The following SYT17 variants were observed in gnomAD, a reference collection of about 807,000 sequenced individuals.
SYT17 encodes synaptotagmin-17.
In SYT17, 22 loss-of-function variants were observed where a neutral mutation model predicts 46.7. The ratio of observed to expected loss-of-function variants is 0.47; its 90% confidence interval spans 0.34 to 0.67. The LOEUF (loss-of-function observed/expected upper bound fraction) is 0.67. Ranked by LOEUF, SYT17 falls within the 30% of genes least tolerant of loss-of-function variation. The pLI is 0.01. For missense variants in SYT17, 519 were observed against 612.8 expected, an observed-to-expected ratio of 0.85 and a Z score of 1.62; for synonymous variants, 251 against 248.4, an observed-to-expected ratio of 1.01 and a Z score of -0.10.
chr16:19,203,227 A>T (rs1965533127), intron 5 of SYT17, among the ~76,000 whole-genome samples: 1 of 152,092 alleles, frequency 6.6e-6, no homozygotes, highest in Non-Finnish European at 1.5e-5. Context: ...GCAGTGGCTC[A>T]CGCCTGTAAT....
At chr16:19,226,858 G>T (rs1367432447) in intron 7 of SYT17, among the ~76,000 whole-genome samples, 1 of 152,204 alleles carries the variant, frequency 6.6e-6, no homozygotes, top group East Asian at 1.9e-4. Flanking sequence ...CCCATGGAAA[G>T]CCCTGACACT....
At chr16:19,200,231 G>A (rs1019989964) in intron 5 of SYT17, among the ~76,000 whole-genome samples, 1 of 152,110 alleles carries the variant, frequency 6.6e-6, no homozygotes, top group Non-Finnish European at 1.5e-5. Flanking sequence ...ATACAACATG[G>A]GCTGCATATT....
intron 7 of SYT17, among the ~76,000 whole-genome samples, chr16:19,232,839 TAAACAAACAAAC>T (rs57954740): frequency 2.1e-4 from 32 of 150,234 alleles, no homozygotes; most frequent in African/African-American, 7.1e-4. Flanking sequence ...CTCAAAAACA[TAAACAAACAAAC>T]AAACAAACAA....
chr16:19,171,313 G>GATT (rs1491455865), intron 1 of SYT17: 6 of 83,980 alleles, frequency 7.1e-5, no homozygotes, highest in Admixed American at 4.8e-4. Flanking sequence ...TGATGATGAT[G>GATT]ATGATGATGA....
chr16:19,254,993 G>A (rs970252740), intron 7 of SYT17, among the ~76,000 whole-genome samples: 2 of 152,166 alleles, frequency 1.3e-5, no homozygotes, highest in African/African-American at 4.8e-5. Context: ...CTTGAGGAAG[G>A]AGAAAGAGAT....
At chr16:19,216,894 C>A (rs936477240) in intron 5 of SYT17, among the ~76,000 whole-genome samples, 5 of 152,006 alleles carry the variant, frequency 3.3e-5, no homozygotes, top group African/African-American at 1.2e-4. Flanking sequence ...GGATATATAC[C>A]CAGTAATGGG....
rs74011538 is a variant in SYT17, at chr16:19,206,108, C to T, written c.952-16937C>T. Among the ~76,000 whole-genome samples the T allele has an allele frequency of 3.7e-3, 560 of 152,092 alleles. 5 individuals are homozygous for T. The highest frequency in any genetic ancestry group is 0.013 in the African/African-American group (540 of 41,488). On this transcript the variant is annotated intron_variant, in intron 5 of 7. Coordinates refer to ENST00000355377, the MANE Select transcript of SYT17 (RefSeq NM_016524.4). Reference sequence around the variant, plus strand: ...TCAGTGTGATAGTAGAAATGACAGGCGTCAAGAAAATTGCCAAAAACACCA... The same window carrying T: ...TCAGTGTGATAGTAGAAATGACAGGTGTCAAGAAAATTGCCAAAAACACCA...
intron 5 of SYT17, among the ~76,000 whole-genome samples, chr16:19,207,340 A>G (rs1965711659): frequency 6.6e-6 from 1 of 152,222 alleles, no homozygotes; most frequent in African/African-American, 2.4e-5. Flanking sequence ...CAGGTGTATT[A>G]GTCTGTTCTC....
intron 7 of SYT17, among the ~76,000 whole-genome samples, chr16:19,239,994 A>G (rs1275558937): frequency 6.6e-6 from 1 of 152,192 alleles, no homozygotes; most frequent in Non-Finnish European, 1.5e-5. Flanking sequence ...AAGCAGCTTC[A>G]ACGGCTGGCA....
In SYT17 at chr16:19,267,970, GTGTAA is replaced by G; in HGVS notation, c.*895_*899del. On this transcript the variant is annotated 3_prime_UTR_variant, in exon 8 of 8. Transcript: ENST00000355377. ...TGTGTGTGTGTGTGTGTGTGTGTGTGTGTAAAGTAAATAGGATATGATAGAGCAAA... is the reference window on the plus strand; with the variant it reads ...TGTGTGTGTGTGTGTGTGTGTGTGTGAGTAAATAGGATATGATAGAGCAAA... 9.7e-6 allele frequency: 1 copy of G among 103,348 alleles called. No homozygotes were observed. The highest frequency in any genetic ancestry group is 2.3e-3 in the East Asian group (1 of 430). 6.4% of individuals were successfully genotyped at this position (103,348 alleles called of 1,614,324 possible). A position where few individuals can be genotyped will look rare whatever the true frequency, so the allele number is the denominator to read the frequency against.
At chr16:19,182,987 G>A (rs570429418) in intron 4 of SYT17, among the ~76,000 whole-genome samples, 5 of 152,150 alleles carry the variant, frequency 3.3e-5, no homozygotes, top group East Asian at 3.9e-4. Flanking sequence ...GAATATGCCC[G>A]GAGTCACATG....
At chr16:19,247,619 C>A (rs1011716449) in intron 7 of SYT17, among the ~76,000 whole-genome samples, 1 of 152,120 alleles carries the variant, frequency 6.6e-6, no homozygotes, top group African/African-American at 2.4e-5. Context: ...CAGGGAGGTC[C>A]CAACTCCTTG....
intron 7 of SYT17, among the ~76,000 whole-genome samples, chr16:19,242,058 CCTGGTCAT>C (rs1967172065): frequency 6.6e-6 from 1 of 151,942 alleles, no homozygotes; most frequent in Non-Finnish European, 1.5e-5. Flanking sequence ...GGATTCAAAC[CCTGGTCAT>C]CTGGACTAGA....
At chr16:19,178,735 C>T (rs539980095) in intron 3 of SYT17, among the ~76,000 whole-genome samples, 16 of 152,270 alleles carry the variant, frequency 1.1e-4, no homozygotes, top group African/African-American at 3.4e-4. Flanking sequence ...TATGCAGCCT[C>T]GGAAGGCATA....
rs200981422 is a variant in SYT17 at position 19,183,782 on chromosome 16, C to A, written c.586C>A (p.Leu196Met). The A allele has an allele frequency of 6.2e-7, 1 of 1,614,114 alleles. No homozygotes were observed. The highest frequency in any genetic ancestry group is 1.3e-5 in the African/African-American group (1 of 74,942). The change falls in exon 5 of 8, where the codon CTG (leucine) becomes ATG (methionine). Residue 196 changes from leucine to methionine, a missense_variant. Transcript: ENST00000355377. The surrounding 1 kb of genome is among the most constrained non-coding windows in gnomAD (Gnocchi z 5.6). ...GMLHFSTQYD[L>M]LHNHLTVRVI... ...GCTGCACTTCAGCACTCAGTACGAC[C>A]TGCTGCACAACCACCTCACCGTGCG... is the stretch of plus-strand genomic sequence containing the variant.
chr16:19,224,561 G>A (rs1966433395), intron 6 of SYT17, 122 bp from the exon 7 acceptor site: 1 of 1,073,206 alleles, frequency 9.3e-7, no homozygotes, highest in Non-Finnish European at 1.4e-6. Flanking sequence ...AGTTGAATGG[G>A]TGGATGGATA....
Position 19,266,893 on chromosome 16 carries a change from C to A in SYT17, c.1242C>A (p.Asn414Lys). Residue 414 changes from asparagine (N) to lysine (K), a missense_variant, in exon 8 of 8, where the codon AAC (asparagine) becomes AAA (lysine). By Grantham distance (94) the Asn-to-Lys change is moderately conservative. Transcript: ENST00000355377. ...ASLVFTVFGH[N>K]MKSSNDFIGR... ...CTGGCTCCCTAGTTTTCGGCCACAACATGAAGAGCAGCAATGACTTCATCG... is the reference window on the plus strand; with the variant it reads ...CTGGCTCCCTAGTTTTCGGCCACAAAATGAAGAGCAGCAATGACTTCATCG... 6.2e-7 allele frequency: 1 copy of A among 1,613,270 alleles called. No homozygotes were observed. The highest frequency in any genetic ancestry group is 8.5e-7 in the Non-Finnish European group (1 of 1,179,780).
chr16:19,251,405 G>A (rs1297732848), intron 7 of SYT17, among the ~76,000 whole-genome samples: 2 of 152,202 alleles, frequency 1.3e-5, no homozygotes, highest in African/African-American at 2.4e-5. Context: ...ATAAGGAAAA[G>A]GCCTGTAGGA....
chr16:19,209,763 A>G (rs934235814), intron 5 of SYT17, among the ~76,000 whole-genome samples: 1 of 151,880 alleles, frequency 6.6e-6, no homozygotes, highest in Non-Finnish European at 1.5e-5. Context: ...CTGTAGTCCC[A>G]GCTACTCGGG....
Sources: gnomAD v4.1 joint callset for allele counts (sites outside exome capture counted in the v4.1 genomes callset) on GRCh38, gnomAD v4.1.1 for gene constraint, Gnocchi (gnomAD v3.1) non-coding constraint, MANE v1.5 for transcripts, NCBI Gene and HGNC (gene_info 2026-07-23, HGNC 2026-07-21) for gene names.